The following HDAC9 variants were observed in gnomAD, a reference collection of about 807,000 sequenced individuals.
HDAC9 encodes the protein MEF-2 interacting transcription repressor (MITR) protein.
HDAC9 carries 41 observed loss-of-function variants against 139.4 expected under a neutral mutation model. The observed-to-expected ratio is 0.29, with a 90% CI of 0.23 to 0.38. The LOEUF (loss-of-function observed/expected upper bound fraction) is 0.38, where lower values mean the gene tolerates loss of function less well. Among genes scored for constraint, HDAC9 ranks in the 10% least tolerant of loss-of-function variants. HDAC9 has a pLI of 1.00. For synonymous variants in HDAC9, 517 were observed against 476.2 expected (o/e 1.09, Z -1.12); for missense variants, 1,147 against 1,297.0 (o/e 0.88, Z 1.78).
At chr7:18,156,767 G>A (rs1166317862) in intron 1 of HDAC9, among the ~76,000 whole-genome samples, 1 of 152,218 alleles carries the variant, frequency 6.6e-6, no homozygotes, top group East Asian at 1.9e-4. Context: ...AAACAGAGAT[G>A]AGAAAGCTGA....
chr7:18,162,450 T>C, intron 2 of HDAC9: 1 of 1,150,256 alleles, frequency 8.7e-7, no homozygotes, highest in Non-Finnish European at 1.2e-6. Flanking sequence ...GGAACTTTTT[T>C]TTTTTTGGAC....
chr7:18,752,748 C>A (rs1455167930), intron 14 of HDAC9, among the ~76,000 whole-genome samples: 1 of 152,104 alleles, frequency 6.6e-6, no homozygotes, highest in Non-Finnish European at 1.5e-5. Context: ...ATAATGCATA[C>A]AAGCCAGGTC....
chr7:18,994,976 G>A (rs1311929917), intron 25 of HDAC9, among the ~76,000 whole-genome samples: 1 of 152,120 alleles, frequency 6.6e-6, no homozygotes, highest in African/African-American at 2.4e-5. Context: ...GGTAGCAAAG[G>A]CATAACTCTG....
chr7:18,708,669 C>A (rs751382290), intron 12 of HDAC9, among the ~76,000 whole-genome samples: 11 of 152,090 alleles, frequency 7.2e-5, no homozygotes, highest in Non-Finnish European at 1.5e-4. Context: ...AGTGAGAGAA[C>A]TTGAATGGTG....
intron 8 of HDAC9, among the ~76,000 whole-genome samples, chr7:18,642,360 C>G (rs1437435423): frequency 1.3e-5 from 2 of 152,086 alleles, no homozygotes; most frequent in Non-Finnish European, 2.9e-5. Context: ...CACCATTCTC[C>G]CTACTTTTCT....
At chr7:18,153,231 C>T (rs1786913537) in intron 1 of HDAC9, among the ~76,000 whole-genome samples, 1 of 152,146 alleles carries the variant, frequency 6.6e-6, no homozygotes. Flanking sequence ...ACCAAACGCA[C>T]AGACAAAGCA....
At chr7:18,092,007 TGA>T (rs1258359802) in intron 1 of HDAC9, among the ~76,000 whole-genome samples, 1 of 152,158 alleles carries the variant, frequency 6.6e-6, no homozygotes, top group African/African-American at 2.4e-5. Context: ...AATATAATAG[TGA>T]GAGAGTGACA....
rs568583177 is a variant in HDAC9 at position 18,648,596 on chromosome 7, C to T, written c.1380C>T (p.Ser460=). 6.2e-7 allele frequency: 1 copy of T among 1,613,580 alleles called. No individual in the cohort carries two copies. Among genetic ancestry groups the T allele is most frequent in the South Asian group, 1.1e-5 (1 of 91,076 alleles). Residue 460 remains serine, a synonymous_variant, in exon 11 of 26, where the codon AGC becomes AGT. Coordinates refer to ENST00000686413, the MANE Select transcript of HDAC9 (RefSeq NM_178425.4). The stretch of plus-strand genomic sequence containing the variant: ...CCCAGTCTGCACCTTTGCCTCAGAG[C>T]ACGTTGGCTCAGCTGGTCATTCAAC... The part of the protein sequence containing the change: ...NRTQSAPLPQ[S]TLAQLVIQQQ...
intron 22 of HDAC9, among the ~76,000 whole-genome samples, chr7:18,893,118 C>G (rs1160148232): frequency 6.7e-6 from 1 of 149,350 alleles, no homozygotes; most frequent in African/African-American, 2.4e-5. Flanking sequence ...CATGCAAACA[C>G]CTTCATATCT....
chr7:18,694,247 A>G (rs1165708592), intron 12 of HDAC9, among the ~76,000 whole-genome samples: 1 of 152,138 alleles, frequency 6.6e-6, no homozygotes, highest in Non-Finnish European at 1.5e-5. Flanking sequence ...TTTGTATGCA[A>G]TTGTAGATGG....
At chr7:18,088,045 C>T (rs1268979381) in intron 1 of HDAC9, 1 of 152,202 alleles carries the variant, frequency 6.6e-6, no homozygotes, top group Non-Finnish European at 1.5e-5. Context: ...AGTGAGTCTC[C>T]TGTGCTCCAA....
chr7:18,301,296 T>C (rs1798521634), intron 1 of HDAC9, among the ~76,000 whole-genome samples: 2 of 152,198 alleles, frequency 1.3e-5, no homozygotes, highest in South Asian at 4.1e-4. Flanking sequence ...AGATAGAATG[T>C]CTGTATTCTC....
chr7:18,519,183 A>G (rs998946491), intron 2 of HDAC9, among the ~76,000 whole-genome samples: 2 of 152,210 alleles, frequency 1.3e-5, no homozygotes, highest in Non-Finnish European at 2.9e-5. Flanking sequence ...TATATTAATG[A>G]GCTTATGTGA....
At chr7:18,708,440 C>G (rs1172602321) in intron 12 of HDAC9, among the ~76,000 whole-genome samples, 1 of 152,138 alleles carries the variant, frequency 6.6e-6, no homozygotes, top group African/African-American at 2.4e-5. Flanking sequence ...ATAGACAAAG[C>G]AAATAGTGAG....
At chr7:18,116,826 A>G (rs1784022713) in intron 1 of HDAC9, among the ~76,000 whole-genome samples, 3 of 152,204 alleles carry the variant, frequency 2.0e-5, no homozygotes, top group Admixed American at 1.3e-4. Flanking sequence ...GCTTAAATGT[A>G]TGAAAGGATA....
chr7:18,131,047 G>T (rs979271220), intron 1 of HDAC9, among the ~76,000 whole-genome samples: 16 of 152,048 alleles, frequency 1.1e-4, no homozygotes, highest in Admixed American at 3.3e-4. Context: ...TTATTTTTCT[G>T]TTGCTCAAAT....
chr7:18,770,645 T>C (rs1790209366), intron 16 of HDAC9, among the ~76,000 whole-genome samples: 1 of 152,138 alleles, frequency 6.6e-6, no homozygotes, highest in Non-Finnish European at 1.5e-5. Context: ...CATTTATAAC[T>C]TGGAACTGAA....
At chr7:18,777,658 A>T (rs767327079) in intron 16 of HDAC9, among the ~76,000 whole-genome samples, 1 of 152,024 alleles carries the variant, frequency 6.6e-6, no homozygotes, top group African/African-American at 2.4e-5. Context: ...TCAAGAAAAA[A>T]AACTTGGCTA....
rs373411071 is a variant in HDAC9 at position 18,692,002 on chromosome 7, C to CTCAA, written c.1731+25527_1731+25530dup. Among the ~76,000 whole-genome samples, 498 of 152,182 alleles carry CTCAA rather than the reference C, an allele frequency of 3.3e-3. 2 individuals carry two copies. The highest frequency in any genetic ancestry group is 0.012 in the African/African-American group (479 of 41,544). On this transcript the variant is annotated intron_variant, in intron 12 of 25. Coordinates refer to ENST00000686413, the MANE Select transcript of HDAC9 (RefSeq NM_178425.4). ...AGACCTGCCTTGGCCACTTACAAGT[C>CTCAA]TCAAGTTCCTCATCAATGAGATGGA...
Sources: gnomAD v4.1 joint callset for allele counts (sites outside exome capture counted in the v4.1 genomes callset) on GRCh38, gnomAD v4.1.1 for gene constraint, MANE v1.5 for transcripts, NCBI Gene and HGNC (gene_info 2026-07-23, HGNC 2026-07-21) for gene names.